Variants in ANO2 observed in about 807,000 individuals in gnomAD.
The protein encoded by ANO2 is anoctamin 2.
ANO2 carries 101 observed loss-of-function variants against 124.2 expected under a neutral mutation model. The observed-to-expected ratio is 0.81, with a 90% CI of 0.69 to 0.96. ANO2 has a LOEUF of 0.96. ANO2 is among the 40% of genes least tolerant of loss of function. ANO2 has a pLI of 0.00. For missense variants in ANO2, 1,293 were observed against 1,274.5 expected (o/e 1.01, Z -0.22); for synonymous variants, 486 against 482.5 (o/e 1.01, Z -0.09).
chr12:5,795,588 G>A (rs1952821689), intron 10 of ANO2, among the ~76,000 whole-genome samples: 1 of 152,196 alleles, frequency 6.6e-6, no homozygotes, highest in Admixed American at 6.5e-5. Context: ...GTCACAGGCA[G>A]GCAGTGGCAG....
At chr12:5,725,106 C>T (rs1214500727) in intron 14 of ANO2, among the ~76,000 whole-genome samples, 1 of 147,452 alleles carries the variant, frequency 6.8e-6, no homozygotes, top group African/African-American at 2.6e-5. Context: ...CTCACACACA[C>T]ACACACACAC....
chr12:5,704,697 A>ATGTGTGTGTG lies in ANO2; in HGVS notation c.1545+27813_1545+27822dup, dbSNP rs3067798. ...GCAAGAGTAAGTGCTTGGTGTGTGT[A>ATGTGTGTGTG]TGTGTGTGTGTGTGTGTGTGTGTGT... On this transcript the variant is annotated intron_variant, in intron 14 of 24. Transcript: ENST00000682330. 4.9e-3 allele frequency among the ~76,000 whole-genome samples: 725 copies of ATGTGTGTGTG among 148,766 alleles called. 5 individuals are homozygous for ATGTGTGTGTG. Among genetic ancestry groups the ATGTGTGTGTG allele is most frequent in the African/African-American group, 0.016 (663 of 40,510 alleles).
chr12:5,805,326 C>T lies in ANO2; in HGVS notation c.990+726G>A, dbSNP rs117458026. Among the ~76,000 whole-genome samples, 124 of 152,278 alleles carry T rather than the reference C, an allele frequency of 8.1e-4. 2 individuals are homozygous for T. In the East Asian group the frequency reaches 0.02, roughly 25 times the overall value. On this transcript the variant is annotated intron_variant, in intron 9 of 24. Coordinates refer to ENST00000682330, the MANE Select transcript of ANO2 (RefSeq NM_001364791.2). ...GCTCCTCAACCCTCCCACCATCGCC[C>T]ACCCTCCTCTGCTCACTAGAGTTGT...
At chr12:5,939,089 C>T (rs910752289) in intron 1 of ANO2, among the ~76,000 whole-genome samples, 12 of 150,684 alleles carry the variant, frequency 8.0e-5, no homozygotes, top group Non-Finnish European at 1.0e-4. Context: ...TAGTGGTGCG[C>T]GCCTGTAGTC....
chr12:5,739,343 C>A lies in ANO2; in HGVS notation c.1408G>T (p.Asp470Tyr). ...RLQMRLGYFWDLTGIEEEEEH... is the reference protein window; with the variant it reads ...RLQMRLGYFWYLTGIEEEEEH... Reference sequence around the variant, plus strand: ...TCTTCCTCTTCTATGCCAGTCAGGTCCCAAAAGTAGCCCAGTCGCATCTGT... The same window carrying A: ...TCTTCCTCTTCTATGCCAGTCAGGTACCAAAAGTAGCCCAGTCGCATCTGT... Residue 470 changes from aspartate to tyrosine, a missense_variant, in exon 13 of 25, where the codon GAC becomes TAC. Transcript: ENST00000682330. The A allele has an allele frequency of 6.2e-7, 1 of 1,606,910 alleles. No homozygotes were observed. The highest frequency in any genetic ancestry group is 2.2e-5 in the East Asian group (1 of 44,710).
At chr12:5,601,302 A>C (rs534381897) in intron 19 of ANO2, among the ~76,000 whole-genome samples, 27 of 152,346 alleles carry the variant, frequency 1.8e-4, no homozygotes, top group South Asian at 2.1e-4. Flanking sequence ...AGATAGACAA[A>C]TATATCATTG....
At chr12:5,786,615 G>C (rs1952548228) in intron 10 of ANO2, among the ~76,000 whole-genome samples, 1 of 152,138 alleles carries the variant, frequency 6.6e-6, no homozygotes, top group Non-Finnish European at 1.5e-5. Context: ...AAACAGGGCT[G>C]TTTTGCTCCA....
At chr12:5,612,023 G>A (rs907146663) in intron 19 of ANO2, among the ~76,000 whole-genome samples, 2 of 152,190 alleles carry the variant, frequency 1.3e-5, no homozygotes, top group African/African-American at 4.8e-5. Flanking sequence ...AGCAGAGGGG[G>A]TTACATTTTT....
intron 15 of ANO2, among the ~76,000 whole-genome samples, chr12:5,638,389 C>T (rs918627605): frequency 2.0e-5 from 3 of 148,362 alleles, no homozygotes; most frequent in Non-Finnish European, 4.5e-5. Context: ...GCACCTGCCA[C>T]CACTCCTGGC....
At position 5,578,366 on chromosome 12, in the gene ANO2, C is replaced by G. The variant is rs774552828; in HGVS notation, c.2386G>C (p.Gly796Arg). 6.2e-7 allele frequency: 1 copy of G among 1,613,416 alleles called. No homozygotes were observed. Among genetic ancestry groups the G allele is most frequent in the Non-Finnish European group, 8.5e-7 (1 of 1,179,578 alleles). ...RPDAVRTKDIGIWFDILSGIG... is the reference protein window; with the variant it reads ...RPDAVRTKDIRIWFDILSGIG... The stretch of plus-strand genomic sequence containing the variant: ...TGGGGCCTCTAAGTGGGGCACGTAC[C>G]GATATCTTTGGTTCTTACAGCATCC... The change falls in exon 21 of 25, where the codon GGA becomes CGA. Residue 796 changes from glycine (G) to arginine (R), a missense_variant and splice_region_variant. Gly to Arg is a moderately radical substitution (Grantham distance 125). Transcript: ENST00000682330.
At chr12:5,599,774 A>G in intron 19 of ANO2, 145 bp from the exon 20 acceptor site, 1 of 917,974 alleles carries the variant, frequency 1.1e-6, no homozygotes, top group Non-Finnish European at 1.6e-6. Context: ...GACACTAAAG[A>G]GACTACTTTT....
In ANO2 at chr12:5,874,548, T is replaced by C. The variant is rs1301690770; in HGVS notation, c.535-20407A>G. 2.6e-5 allele frequency among the ~76,000 whole-genome samples: 4 copies of C among 152,200 alleles called. 1 individual carries two copies. The Middle Eastern group carries it at 9.5e-3, about 361-fold the overall frequency. Reference sequence around the variant, plus strand: ...CACAGCCTCTTGCTCCTTGCTTGACTCTGTCCCCACTCTGCCTTTCTGTGC... The same window carrying C: ...CACAGCCTCTTGCTCCTTGCTTGACCCTGTCCCCACTCTGCCTTTCTGTGC... On this transcript the variant is annotated intron_variant, in intron 3 of 24. Transcript: ENST00000682330.
rs999856226 is a variant in ANO2, at chr12:5,904,686, C to A, written c.534+16354G>T. Among the ~76,000 whole-genome samples the A allele has an allele frequency of 6.6e-6, 1 of 152,206 alleles. No homozygotes were observed. Among genetic ancestry groups the A allele is most frequent in the African/African-American group, 2.4e-5 (1 of 41,448 alleles). ...TCTCGATCTTCAAATTTTGCAGTGT[C>A]ATCCTCTAGCCTTGCTCCCCCTGGG... On this transcript the variant is annotated intron_variant, in intron 3 of 24. Transcript: ENST00000682330. The surrounding 1 kb of genome is among the most constrained non-coding windows in gnomAD (Gnocchi z 4.1).
At chr12:5,683,700 AC>A (rs1948592877) in intron 14 of ANO2, among the ~76,000 whole-genome samples, 1 of 152,088 alleles carries the variant, frequency 6.6e-6, no homozygotes, top group African/African-American at 2.4e-5. Flanking sequence ...TGGTGCTGAA[AC>A]CGTGGTAGAC....
At chr12:5,618,415 A>G (rs937391162) in intron 16 of ANO2, among the ~76,000 whole-genome samples, 2 of 152,154 alleles carry the variant, frequency 1.3e-5, no homozygotes, top group African/African-American at 4.8e-5. Context: ...GTAGGTGTGC[A>G]CTGTCATTAT....
At chr12:5,649,989 A>G (rs974320310) in intron 14 of ANO2, among the ~76,000 whole-genome samples, 15 of 152,164 alleles carry the variant, frequency 9.9e-5, no homozygotes, top group African/African-American at 3.6e-4. Flanking sequence ...TAAGCTGTTG[A>G]CAAGGAAAAC....
chr12:5,689,317 C>T (rs1267385965), intron 14 of ANO2, among the ~76,000 whole-genome samples: 1 of 150,642 alleles, frequency 6.6e-6, no homozygotes, highest in Non-Finnish European at 1.5e-5. Flanking sequence ...TAGAGATCAT[C>T]AATGCAAAAG....
At chr12:5,730,789 T>C (rs1254586197) in intron 14 of ANO2, among the ~76,000 whole-genome samples, 1 of 152,228 alleles carries the variant, frequency 6.6e-6, no homozygotes, top group Non-Finnish European at 1.5e-5. Context: ...AATCAAATTC[T>C]AGACCATTTT....
intron 16 of ANO2, among the ~76,000 whole-genome samples, chr12:5,615,872 C>T (rs1313301205): frequency 1.3e-5 from 2 of 152,118 alleles, no homozygotes; most frequent in Non-Finnish European, 2.9e-5. Flanking sequence ...ACTTCCCAGT[C>T]ATACACTCAA....
Sources: gnomAD v4.1 joint callset for allele counts (sites outside exome capture counted in the v4.1 genomes callset) on GRCh38, gnomAD v4.1.1 for gene constraint, Gnocchi (gnomAD v3.1) non-coding constraint, MANE v1.5 for transcripts, NCBI Gene and HGNC (gene_info 2026-07-23, HGNC 2026-07-21) for gene names.